The following RIMS1 variants were observed in gnomAD, a reference collection of about 807,000 sequenced individuals.
The protein encoded by RIMS1 is regulating synaptic membrane exocytosis 1.
RIMS1 carries 83 observed loss-of-function variants against 214.1 expected under a neutral mutation model. The observed-to-expected ratio is 0.39, with a 90% CI of 0.32 to 0.47. The LOEUF (loss-of-function observed/expected upper bound fraction) is 0.47. Among genes scored for constraint, RIMS1 ranks in the 20% least tolerant of loss-of-function variants. The probability of loss-of-function intolerance (pLI) is 0.99; values close to 1 mark genes in which losing one functional copy is unlikely to be tolerated. For missense variants in RIMS1, 2,050 were observed against 2,161.8 expected (o/e 0.95, Z 1.03); for synonymous variants, 793 against 786.8 (o/e 1.01, Z -0.13).
At position 72,082,177 on chromosome 6, in the gene RIMS1, T is replaced by G. The variant is rs75757922; in HGVS notation, c.246-14772T>G. 5.9e-3 allele frequency among the ~76,000 whole-genome samples: 903 copies of G among 152,318 alleles called. 9 individuals are homozygous for G. Among genetic ancestry groups the G allele is most frequent in the African/African-American group, 0.021 (874 of 41,570 alleles). ...TATTTGATGGCACTGCTTTTAAGAA[T>G]CTGGATTCAATCTATGTATTTTATT... On this transcript the variant is annotated intron_variant, in intron 2 of 33. Transcript: ENST00000521978.
chr6:72,158,511 A>C (rs1373646396), intron 4 of RIMS1, among the ~76,000 whole-genome samples: 3 of 137,222 alleles, frequency 2.2e-5, no homozygotes, highest in East Asian at 4.2e-4. Context: ...TGCACCCATT[A>C]ACTCGTCATT....
intron 4 of RIMS1, among the ~76,000 whole-genome samples, chr6:72,177,487 G>A (rs1193401911): frequency 6.6e-6 from 1 of 152,074 alleles, no homozygotes; most frequent in Non-Finnish European, 1.5e-5. Context: ...CCTGACCTCA[G>A]AAGATCTGCT....
chr6:72,213,211 G>A (rs542079488), intron 6 of RIMS1: 250 of 1,536,302 alleles, frequency 1.6e-4, no homozygotes, highest in South Asian at 3.9e-4. Flanking sequence ...GAAGCTCGAC[G>A]AGCAGTTGCT....
chr6:72,318,471 G>A (rs1194148760), intron 28 of RIMS1, among the ~76,000 whole-genome samples: 2 of 151,920 alleles, frequency 1.3e-5, no homozygotes, highest in Non-Finnish European at 2.9e-5. Context: ...CATATGCTTC[G>A]CTGTGCTACT....
chr6:71,962,849 T>C (rs1315299654), intron 1 of RIMS1, among the ~76,000 whole-genome samples: 5 of 152,162 alleles, frequency 3.3e-5, no homozygotes, highest in African/African-American at 1.2e-4. Flanking sequence ...TTTTGTATTA[T>C]AGAAACCCTT....
intron 29 of RIMS1, among the ~76,000 whole-genome samples, chr6:72,340,630 C>G (rs944263580): frequency 1.3e-5 from 2 of 151,976 alleles, no homozygotes; most frequent in Non-Finnish European, 2.9e-5. Context: ...CTGTTCTGTT[C>G]CATTGGTCTA....
intron 29 of RIMS1, among the ~76,000 whole-genome samples, chr6:72,380,645 G>C (rs2098470457): frequency 6.6e-6 from 1 of 152,100 alleles, no homozygotes; most frequent in African/African-American, 2.4e-5. Flanking sequence ...TTATCTTCCT[G>C]TTGTCAAGAG....
chr6:72,090,146 T>A (rs181438168), intron 2 of RIMS1, among the ~76,000 whole-genome samples: 33 of 152,160 alleles, frequency 2.2e-4, no homozygotes, highest in African/African-American at 7.5e-4. Context: ...ATTGTGCACA[T>A]GTACCCTAAA....
intron 1 of RIMS1, among the ~76,000 whole-genome samples, chr6:71,950,983 G>C (rs1789309256): frequency 1.3e-5 from 2 of 152,196 alleles, no homozygotes; most frequent in Non-Finnish European, 2.9e-5. Context: ...TTTTAGATGA[G>C]AAGACATATA....
intron 1 of RIMS1, among the ~76,000 whole-genome samples, chr6:71,952,956 G>T (rs900650379): frequency 4.6e-5 from 7 of 151,488 alleles, no homozygotes; most frequent in Admixed American, 2.0e-4. Context: ...AAGAAGGCAA[G>T]CTCCAATGCA....
chr6:72,088,240 T>TATTTATTC, intron 2 of RIMS1, among the ~76,000 whole-genome samples: 1 of 149,682 alleles, frequency 6.7e-6, no homozygotes, highest in East Asian at 2.0e-4. Context: ...TTTATTTATT[T>TATTTATTC]ATTTATTTAT....
intron 6 of RIMS1, among the ~76,000 whole-genome samples, chr6:72,188,937 A>G (rs2049590656): frequency 6.6e-6 from 1 of 152,228 alleles, no homozygotes; most frequent in African/African-American, 2.4e-5. Context: ...GTTGACTTAA[A>G]GGTAGCAGTG....
At chr6:72,335,931 T>C (rs186423647) in intron 29 of RIMS1, among the ~76,000 whole-genome samples, 1 of 152,116 alleles carries the variant, frequency 6.6e-6, no homozygotes, top group East Asian at 1.9e-4. Flanking sequence ...TGTTCTTCTC[T>C]TGTAAATTTG....
At chr6:71,898,003 T>C (rs1772382245) in intron 1 of RIMS1, among the ~76,000 whole-genome samples, 1 of 152,150 alleles carries the variant, frequency 6.6e-6, no homozygotes, top group African/African-American at 2.4e-5. Context: ...AGAACCAGGT[T>C]GACCAGAACT....
rs764588841 is a variant in RIMS1 at position 72,307,254 on chromosome 6, G to A, written c.3851-4G>A. The A allele has an allele frequency of 3.2e-6, 5 of 1,583,462 alleles. No homozygotes were observed. Among genetic ancestry groups the A allele is most frequent in the Non-Finnish European group, 4.3e-6 (5 of 1,162,066 alleles). ...TAATAGGCTTCCATTATGTGTTTTTGCAGCAAGCTTAGTAGTGGAGGAGCG... is the reference window on the plus strand; with the variant it reads ...TAATAGGCTTCCATTATGTGTTTTTACAGCAAGCTTAGTAGTGGAGGAGCG... On this transcript the variant is annotated splice_polypyrimidine_tract_variant and splice_region_variant and intron_variant, in intron 26 of 33. Transcript: ENST00000521978.
intron 28 of RIMS1, among the ~76,000 whole-genome samples, chr6:72,319,026 AT>A (rs71842786): frequency 0.018 from 2,757 of 151,928 alleles, 88 homozygotes; most frequent in African/African-American, 0.064. Flanking sequence ...ATTTTTTAAA[AT>A]TTTTTTTTAA....
chr6:71,940,402 T>C (rs999464362), intron 1 of RIMS1, among the ~76,000 whole-genome samples: 3 of 152,172 alleles, frequency 2.0e-5, no homozygotes, highest in African/African-American at 7.2e-5. Context: ...GATATTACTA[T>C]ATCAATATGG....
intron 29 of RIMS1, among the ~76,000 whole-genome samples, chr6:72,345,767 G>C (rs960349993): frequency 2.0e-5 from 3 of 151,744 alleles, no homozygotes; most frequent in Admixed American, 1.3e-4. Context: ...TTATGTCTTA[G>C]AATAAACAGT....
rs565218611 is a variant in RIMS1, at chr6:71,955,181, T to G, written c.165-13802T>G. On this transcript the variant is annotated intron_variant, in intron 1 of 33. Transcript: ENST00000521978. ...TGAATATTCTATGGACATTTTTTTT[T>G]TGTGAGACAGAGTCTCGCTCTGTCA... 1.2e-4 allele frequency among the ~76,000 whole-genome samples: 19 copies of G among 152,250 alleles called. No homozygotes were observed. In the South Asian group the frequency reaches 1.7e-3, roughly 13 times the overall value.
Sources: allele counts gnomAD v4.1 joint callset (sites outside exome capture counted in the v4.1 genomes callset), GRCh38; gene constraint gnomAD v4.1.1; transcripts MANE v1.5; gene names NCBI Gene and HGNC (gene_info 2026-07-23, HGNC 2026-07-21).